DPP8: variants seen among roughly 807,000 people sequenced by gnomAD.
DPP8 encodes the protein DPP VIII.
A neutral mutation model predicts 107.5 loss-of-function variants in DPP8; 31 were observed. The observed-to-expected ratio is 0.29, with a 90% confidence interval of 0.22 to 0.39. DPP8 has a LOEUF of 0.39. Among genes scored for constraint, DPP8 ranks in the 10% least tolerant of loss-of-function variants. The pLI is 1.00. For synonymous variants in DPP8, 381 were observed against 356.6 expected (o/e 1.07, Z -0.77); for missense variants, 842 against 1,076.1 (o/e 0.78, Z 3.04).
At chr15:65,506,706 TACATATATAA>T (rs1013833733) in intron 3 of DPP8, among the ~76,000 whole-genome samples, 3 of 148,974 alleles carry the variant, frequency 2.0e-5, no homozygotes, top group Middle Eastern at 3.3e-3. Context: ...TTATATATTA[TACATATATAA>T]ACATATATAT....
chr15:65,507,707 G>T (rs2141068682), intron 2 of DPP8, among the ~76,000 whole-genome samples: 1 of 150,650 alleles, frequency 6.6e-6, no homozygotes, highest in East Asian at 1.9e-4. Flanking sequence ...AAAATGCTCA[G>T]GTTTCATTTT....
At position 65,457,984 on chromosome 15, in the gene DPP8, T is replaced by C. The variant is rs183131368; in HGVS notation, c.1972-1613A>G. On this transcript the variant is annotated intron_variant, in intron 15 of 19. Transcript: ENST00000300141. ...AAGATATTTGTCTTTAAAGGGAGAG[T>C]GCTGAAAGAAGAAATACTAGGCAGA... 9.5e-4 allele frequency among the ~76,000 whole-genome samples: 145 copies of C among 151,936 alleles called. 4 individuals carry two copies. Among genetic ancestry groups the C allele is most frequent in the African/African-American group, 3.1e-3 (130 of 41,414 alleles).
chr15:65,483,135 C>T (rs2067085467), intron 8 of DPP8, among the ~76,000 whole-genome samples: 1 of 151,774 alleles, frequency 6.6e-6, no homozygotes, highest in African/African-American at 2.4e-5. Context: ...CAAAAAAACA[C>T]AATAGGATGG....
chr15:65,466,636 T>G (rs1167932987), intron 14 of DPP8, 42 bp downstream of exon 14: 1 of 1,553,114 alleles, frequency 6.4e-7, no homozygotes, highest in East Asian at 2.2e-5. Flanking sequence ...TACTAATATA[T>G]TAATCCTACT....
In DPP8 at chr15:65,483,592, A is replaced by ATAACATAAC. The variant is rs1567219235; in HGVS notation, c.1017+1506_1017+1507insGTTATGTTA. Among the ~76,000 whole-genome samples the ATAACATAAC allele has an allele frequency of 7.6e-4, 46 of 60,792 alleles. 1 individual carries two copies. The highest frequency in any genetic ancestry group is 4.5e-3 in the African/African-American group (45 of 9,900). The allele number at this position is 60,792 out of a possible 152,430, so 39.9% of individuals were successfully genotyped here. A position where few individuals can be genotyped will look rare whatever the true frequency, so the allele number is the denominator to read the frequency against. ...CTGGAGACTTTTCTTCAAACAATAAAATAAAATAAAATAAAATAAAATAAA... is the reference window on the plus strand; with the variant it reads ...CTGGAGACTTTTCTTCAAACAATAAATAACATAACATAAAATAAAATAAAATAAAATAAA... On this transcript the variant is annotated intron_variant, in intron 8 of 19. Transcript: ENST00000300141.
rs112530464 is a variant in DPP8, at chr15:65,478,353, G to C, written c.1456+527C>G. Among the ~76,000 whole-genome samples, 1,182 of 152,190 alleles carry C rather than the reference G, an allele frequency of 7.8e-3. 21 individuals are homozygous for C. The highest frequency in any genetic ancestry group is 0.028 in the African/African-American group (1,144 of 41,512). ...GGCTCACTGCAATCTCCGCCTCCTG[G>C]GTTCAAGTGATTTTCCTGCCTCAGC... On this transcript the variant is annotated intron_variant, in intron 11 of 19. Coordinates refer to ENST00000300141, the MANE Select transcript of DPP8 (RefSeq NM_130434.5).
intron 10 of DPP8, 89 bp downstream of exon 10, chr15:65,480,133 A>G: frequency 3.4e-6 from 4 of 1,182,976 alleles, no homozygotes; most frequent in Non-Finnish European, 4.7e-6. Flanking sequence ...AAACTTAAAA[A>G]AAAATGCATT....
Position 65,467,056 on chromosome 15 carries a change from A to G in DPP8, c.1689+15T>C, listed in dbSNP as rs373576240. The G allele has an allele frequency of 2.2e-5, 35 of 1,613,324 alleles. No individual in the cohort carries two copies. In the African/African-American group the frequency reaches 4.7e-4, roughly 22 times the overall value. On this transcript the variant is annotated intron_variant, in intron 13 of 19. Transcript: ENST00000300141. ...TTTAATATGACACAAAACCCTTTTT[A>G]AACAAACTTAATACCTGACTGATGC...
At chr15:65,464,538 C>G (rs1326934928) in intron 14 of DPP8, among the ~76,000 whole-genome samples, 2 of 151,842 alleles carry the variant, frequency 1.3e-5, no homozygotes, top group African/African-American at 4.8e-5. Context: ...CAAAAATTAC[C>G]CAGGCATGGA....
rs945458735 is a variant in DPP8, at chr15:65,477,853, G to A, written c.1456+1027C>T. Among the ~76,000 whole-genome samples, 4 of 152,120 alleles carry A rather than the reference G, an allele frequency of 2.6e-5. No homozygotes were observed. The South Asian group carries it at 8.3e-4, about 32-fold the overall frequency. ...GGCCTTTTTCCACAATTATTAAAAA[G>A]GACCATGCCAAATCTGTTAAGTTAC... On this transcript the variant is annotated intron_variant, in intron 11 of 19. Coordinates refer to ENST00000300141, the MANE Select transcript of DPP8 (RefSeq NM_130434.5).
At chr15:65,509,992 G>T (rs1567296303) in intron 2 of DPP8, among the ~76,000 whole-genome samples, 1 of 152,148 alleles carries the variant, frequency 6.6e-6, no homozygotes, top group East Asian at 1.9e-4. Context: ...CTGCACTCCA[G>T]CCTGGGCAAC....
chr15:65,510,159 T>C (rs1490422558), intron 2 of DPP8, among the ~76,000 whole-genome samples: 1 of 151,328 alleles, frequency 6.6e-6, no homozygotes, highest in Non-Finnish European at 1.5e-5. Flanking sequence ...CAAAAAAAAA[T>C]ACACAAATTA....
At chr15:65,455,763 AG>A in intron 16 of DPP8, 1 of 1,286,278 alleles carries the variant, frequency 7.8e-7, no homozygotes, top group Non-Finnish European at 1.0e-6. Flanking sequence ...ACTGTGCAAA[AG>A]GAACATCGGA....
chr15:65,456,787 C>A (rs2064459670), intron 15 of DPP8, among the ~76,000 whole-genome samples: 1 of 152,158 alleles, frequency 6.6e-6, no homozygotes, highest in African/African-American at 2.4e-5. Flanking sequence ...TACCATTACC[C>A]TTCAGAATAA....
At chr15:65,458,632 A>G (rs2064647310) in intron 15 of DPP8, 1 of 152,202 alleles carries the variant, frequency 6.6e-6, no homozygotes, top group African/African-American at 2.4e-5. Context: ...TGATAACTTT[A>G]GTGGGAAATA....
chr15:65,490,492 T>C (rs571141920), intron 5 of DPP8, among the ~76,000 whole-genome samples, 193 bp from the exon 6 acceptor site: 1 of 152,278 alleles, frequency 6.6e-6, no homozygotes, highest in South Asian at 2.1e-4. Context: ...CACTGCAGTA[T>C]CCCATTTGTA....
Position 65,497,921 on chromosome 15 carries a change from T to C in DPP8, c.658A>G (p.Ile220Val), listed in dbSNP as rs2068769867. The C allele has an allele frequency of 6.2e-7, 1 of 1,602,208 alleles. No homozygotes were observed. Among genetic ancestry groups the C allele is most frequent in the African/African-American group, 1.3e-5 (1 of 74,912 alleles). ...DWIAFIHSND[I>V]WISNIVTREE... ...CTGGTTACGATGTTAGATATCCAAATATCGTTGCTATGTATAAAAGCAATC... is the reference window on the plus strand; with the variant it reads ...CTGGTTACGATGTTAGATATCCAAACATCGTTGCTATGTATAAAAGCAATC... The change falls in exon 5 of 20, where the codon ATT becomes GTT. Residue 220 changes from isoleucine to valine, a missense_variant. Physicochemically the swap from Ile to Val is conservative, Grantham distance 29. Coordinates refer to ENST00000300141, the MANE Select transcript of DPP8 (RefSeq NM_130434.5).
intron 12 of DPP8, among the ~76,000 whole-genome samples, chr15:65,472,826 G>A (rs2066015761): frequency 6.6e-6 from 1 of 152,106 alleles, no homozygotes; most frequent in African/African-American, 2.4e-5. Flanking sequence ...GATTGCTTTA[G>A]CTCAGGAGTT....
chr15:65,485,242 T>C, intron 7 of DPP8, 82 bp from the exon 8 acceptor site: 1 of 1,083,504 alleles, frequency 9.2e-7, no homozygotes, highest in South Asian at 1.3e-5. Flanking sequence ...TCTTTACACT[T>C]TAGTTAAGAA....
Sources: gnomAD v4.1 joint callset for allele counts (sites outside exome capture counted in the v4.1 genomes callset) on GRCh38, gnomAD v4.1.1 for gene constraint, MANE v1.5 for transcripts, NCBI Gene and HGNC (gene_info 2026-07-23, HGNC 2026-07-21) for gene names.